Variants in GSE1 observed in about 807,000 individuals in gnomAD.
The protein encoded by GSE1 is Gse1 coiled-coil protein.
Under a neutral mutation model 112.6 loss-of-function variants are expected in GSE1, and 32 were observed. The ratio of observed to expected loss-of-function variants is 0.28; its 90% confidence interval spans 0.21 to 0.38. GSE1 has a LOEUF of 0.38. Ranked by LOEUF, GSE1 falls within the 10% of genes least tolerant of loss-of-function variation. The pLI, the probability that GSE1 is intolerant of heterozygous loss-of-function variation, is 1.00. For synonymous variants in GSE1, 1,115 were observed against 735.6 expected (o/e 1.52, Z -8.35); for missense variants, 2,348 against 1,699.2 (o/e 1.38, Z -6.71).
At chr16:85,241,173 G>A (rs572026924) in intron 1 of GSE1, among the ~76,000 whole-genome samples, 4 of 151,772 alleles carry the variant, frequency 2.6e-5, no homozygotes, top group Middle Eastern at 3.4e-3. Flanking sequence ...GCTCGGCTGC[G>A]TGACCTTGGG....
intron 1 of GSE1, among the ~76,000 whole-genome samples, chr16:85,230,859 A>ATGAG (rs1467484272): frequency 6.6e-6 from 1 of 152,066 alleles, no homozygotes; most frequent in Admixed American, 6.6e-5. Flanking sequence ...GGATGGATGG[A>ATGAG]TGGATGGATG....
At position 85,654,295 on chromosome 16, in the gene GSE1, C is replaced by T. The variant is rs780698133; in HGVS notation, c.444C>T (p.Ser148=). ...SESRQDAGSR[S]SSGGRERLIV... is the part of the protein sequence containing the mutation. ...TCCCGCAGGATGCCGGCTCCAGGAG[C>T]AGCAGTGGAGGTCGGGAACGCCTCA... is the stretch of plus-strand genomic sequence containing the variant. The change falls in exon 4 of 16, where the codon AGC becomes AGT. Residue 148 remains serine (S), a synonymous_variant. Coordinates refer to ENST00000253458, the MANE Select transcript of GSE1 (RefSeq NM_014615.5). 1.4e-4 allele frequency: 229 copies of T among 1,603,132 alleles called. No homozygotes were observed. The highest frequency in any genetic ancestry group is 1.9e-4 in the Non-Finnish European group (225 of 1,176,052).
At chr16:85,255,867 T>A (rs530056848) in intron 1 of GSE1, among the ~76,000 whole-genome samples, 176 of 152,048 alleles carry the variant, frequency 1.2e-3, no homozygotes, top group Non-Finnish European at 3.7e-4. Context: ...TTTTAAATTT[T>A]TGTAGAGATG....
At chr16:85,556,887 C>T (rs971806406) in intron 1 of GSE1, among the ~76,000 whole-genome samples, 1 of 151,940 alleles carries the variant, frequency 6.6e-6, no homozygotes, top group Non-Finnish European at 1.5e-5. Flanking sequence ...GGTTTTGTTC[C>T]GCCGAGGTCG....
chr16:85,601,996 G>A (rs57839844), intron 1 of GSE1, among the ~76,000 whole-genome samples: 8,066 of 152,224 alleles, frequency 0.053, 728 homozygotes, highest in African/African-American at 0.18. Flanking sequence ...GGGAGGCGGC[G>A]GGGAGGGAGA....
In GSE1 at chr16:85,634,150, G is replaced by A; in HGVS notation, c.226+18G>A. ...GCCCAGAGGTAAGGGGGCCCGCCAGGCTGCGCGTGGGGGGAGCGGCGGCTC... is the reference window on the plus strand; with the variant it reads ...GCCCAGAGGTAAGGGGGCCCGCCAGACTGCGCGTGGGGGGAGCGGCGGCTC... On this transcript the variant is annotated intron_variant, in intron 2 of 15. Transcript: ENST00000253458. 1 of 1,425,498 alleles carries A rather than the reference G, an allele frequency of 7.0e-7. No individual in the cohort carries two copies. The allele number at this position is 1,425,498 out of a possible 1,614,324, so 88.3% of individuals were successfully genotyped here. A position where few individuals can be genotyped will look rare whatever the true frequency, so the allele number is the denominator to read the frequency against.
Position 85,221,334 on chromosome 16 carries a change from A to ACACC in GSE1, c.2283+49528_2283+49529insACCC, listed in dbSNP as rs1555542467. On this transcript the variant is annotated intron_variant, in intron 1 of 2. Transcript: ENST00000637419. Reference sequence around the variant, plus strand: ...CGCGCACACACACACACACACACACACCCCAAGTACATGCACACACACACA... The same window carrying ACACC: ...CGCGCACACACACACACACACACACACACCCCCCAAGTACATGCACACACACACA... Among the ~76,000 whole-genome samples the ACACC allele has an allele frequency of 9.5e-4, 141 of 148,286 alleles. 1 individual carries two copies. Among genetic ancestry groups the ACACC allele is most frequent in the South Asian group, 1.9e-3 (9 of 4,704 alleles).
chr16:85,298,966 G>A (rs1174984981), intron 1 of GSE1, among the ~76,000 whole-genome samples: 2 of 152,204 alleles, frequency 1.3e-5, no homozygotes, highest in African/African-American at 4.8e-5. Context: ...ACCTGCAGTC[G>A]TAGGCACACG....
At chr16:85,434,396 G>A (rs1304428089) in intron 2 of GSE1, among the ~76,000 whole-genome samples, 1 of 152,022 alleles carries the variant, frequency 6.6e-6, no homozygotes, top group South Asian at 2.1e-4. Context: ...TTACTTGTAT[G>A]TGTAACTCCT....
intron 1 of GSE1, among the ~76,000 whole-genome samples, chr16:85,320,155 T>A (rs1195865945): frequency 6.6e-6 from 1 of 152,186 alleles, no homozygotes; most frequent in African/African-American, 2.4e-5. Context: ...CTGCCGTTCT[T>A]GGGGCCAAGG....
chr16:85,567,563 G>A (rs1348721772), intron 1 of GSE1, among the ~76,000 whole-genome samples: 2 of 152,160 alleles, frequency 1.3e-5, no homozygotes, highest in South Asian at 2.1e-4. Context: ...AAAACATGGC[G>A]GCCCCAGAGC....
At chr16:85,335,477 C>T (rs962154712) in intron 1 of GSE1, among the ~76,000 whole-genome samples, 15 of 150,698 alleles carry the variant, frequency 1.0e-4, no homozygotes, top group African/African-American at 3.0e-4. Context: ...CCGTGCTGTG[C>T]GGGCTGGCAG....
rs79799872 is a variant in GSE1 at position 85,657,272 on chromosome 16, C to A, written c.1313-5C>A. 1.0e-5 allele frequency: 16 copies of A among 1,538,108 alleles called. No individual in the cohort carries two copies. The highest frequency in any genetic ancestry group is 2.0e-5 in the Admixed American group (1 of 50,848). ...GATCCTGCTTGACCGTGTTTCCCCC[C>A]ACAGAGAAGCTGAAGGATGCCGGCC... On this transcript the variant is annotated splice_polypyrimidine_tract_variant and splice_region_variant and intron_variant, in intron 7 of 15. Coordinates refer to ENST00000253458, the MANE Select transcript of GSE1 (RefSeq NM_014615.5).
At chr16:85,214,840 G>A (rs149176550) in intron 1 of GSE1, among the ~76,000 whole-genome samples, 145 of 152,232 alleles carry the variant, frequency 9.5e-4, no homozygotes, top group East Asian at 4.3e-3. Flanking sequence ...GGATGGACAG[G>A]TGGGTGGGGG....
intron 1 of GSE1, among the ~76,000 whole-genome samples, chr16:85,591,915 C>G (rs897146044): frequency 6.6e-6 from 1 of 152,184 alleles, no homozygotes; most frequent in African/African-American, 2.4e-5. Flanking sequence ...ATGCCCAAAT[C>G]GGAAGCCTCC....
At chr16:85,299,553 C>G (rs987589751) in intron 1 of GSE1, among the ~76,000 whole-genome samples, 2 of 152,218 alleles carry the variant, frequency 1.3e-5, no homozygotes, top group African/African-American at 4.8e-5. Context: ...TTTGAGGATT[C>G]AAGCCCAGCA....
chr16:85,516,687 C>G (rs1171865870), intron 2 of GSE1, among the ~76,000 whole-genome samples: 2 of 151,836 alleles, frequency 1.3e-5, no homozygotes, highest in African/African-American at 4.8e-5. Flanking sequence ...CTTTCTAAGG[C>G]CCCCCTGCCA....
chr16:85,170,207 C>T (rs921542682), exon 1 of GSE1: 4 of 985,160 alleles, frequency 4.1e-6, no homozygotes, highest in Non-Finnish European at 3.6e-6. Flanking sequence ...GCAGAGGCCT[C>T]GGCGCAGGGG....
chr16:85,564,819 A>C (rs1036022860), intron 1 of GSE1, among the ~76,000 whole-genome samples: 1 of 152,190 alleles, frequency 6.6e-6, no homozygotes, highest in African/African-American at 2.4e-5. Context: ...TGCTCCTCCC[A>C]GGCTCTGCAG....
Sources: allele counts gnomAD v4.1 joint callset (sites outside exome capture counted in the v4.1 genomes callset), GRCh38; gene constraint gnomAD v4.1.1; transcripts MANE v1.5; gene names NCBI Gene and HGNC (gene_info 2026-07-23, HGNC 2026-07-21).